Variants in ELAPOR2 observed in about 807,000 individuals in gnomAD.
ELAPOR2 encodes endosome/lysosome-associated apoptosis and autophagy regulator family member 2.
Under a neutral mutation model 120.7 loss-of-function variants are expected in ELAPOR2, and 89 were observed. The ratio of observed to expected loss-of-function variants is 0.74; its 90% CI spans 0.62 to 0.88. ELAPOR2 has a LOEUF of 0.88. Ranked by LOEUF, ELAPOR2 falls within the 40% of genes least tolerant of loss-of-function variation. The probability of loss-of-function intolerance (pLI) is 0.00; values close to 1 mark genes in which losing one functional copy is unlikely to be tolerated. For synonymous variants in ELAPOR2, 444 were observed against 444.9 expected, an observed-to-expected ratio of 1.00 and a Z score of 0.03; for missense variants, 1,134 against 1,251.6, an observed-to-expected ratio of 0.91 and a Z score of 1.42.
At chr7:86,981,488 C>T (rs1792480610) in intron 1 of ELAPOR2, among the ~76,000 whole-genome samples, 1 of 152,218 alleles carries the variant, frequency 6.6e-6, no homozygotes. Flanking sequence ...TACCTCCCAG[C>T]TATTCCTCCC....
chr7:86,892,978 A>C lies in ELAPOR2; in HGVS notation c.2808T>G (p.Ala936=). The C allele has an allele frequency of 6.4e-7, 1 of 1,572,720 alleles. No homozygotes were observed. The highest frequency in any genetic ancestry group is 8.6e-7 in the Non-Finnish European group (1 of 1,166,974). Residue 936 remains alanine, a synonymous_variant, in exon 20 of 22, where the codon GCT becomes GCG. Transcript: ENST00000450689. ...GAGCCACCAGCAAAACGGCAGTAAA[A>C]GCTCCCACACCGGCTCCCACCTTCA... is the stretch of plus-strand genomic sequence containing the variant. ...FWLKVGAGVG[A]FTAVLLVALT... is the part of the protein sequence containing the mutation.
intron 8 of ELAPOR2, among the ~76,000 whole-genome samples, chr7:86,933,352 T>A (rs1028042069): frequency 2.0e-5 from 3 of 151,934 alleles, no homozygotes; most frequent in Non-Finnish European, 4.4e-5. Context: ...GTTACCTACA[T>A]AATATAGCTG....
At chr7:86,888,594 A>C (rs1003348437) in intron 21 of ELAPOR2, among the ~76,000 whole-genome samples, 14 of 152,086 alleles carry the variant, frequency 9.2e-5, no homozygotes, top group Non-Finnish European at 1.8e-4. Flanking sequence ...ATTTATCCAA[A>C]AGAGCAGGAA....
At chr7:86,910,980 A>C (rs139783775) in intron 15 of ELAPOR2, among the ~76,000 whole-genome samples, 3 of 152,214 alleles carry the variant, frequency 2.0e-5, no homozygotes, top group African/African-American at 7.2e-5. Context: ...AATGGAAAAG[A>C]TCAGAGAAAA....
chr7:87,013,609 G>A (rs577701073), intron 1 of ELAPOR2, among the ~76,000 whole-genome samples: 1 of 152,110 alleles, frequency 6.6e-6, no homozygotes, highest in South Asian at 2.1e-4. Context: ...GAATTATAAG[G>A]GACACTGATG....
chr7:86,989,247 G>A (rs1367599485), intron 1 of ELAPOR2, among the ~76,000 whole-genome samples: 2 of 152,082 alleles, frequency 1.3e-5, no homozygotes, highest in Admixed American at 6.6e-5. Flanking sequence ...GTATGTGCTA[G>A]GCTCCAAATC....
At chr7:86,883,023 GGTGT>G (rs55859925) in intron 21 of ELAPOR2, among the ~76,000 whole-genome samples, 7,081 of 141,502 alleles carry the variant, frequency 0.05, 197 homozygotes, top group African/African-American at 0.082. Context: ...GTTTGAAAGG[GGTGT>G]GTGTGTGTGT....
chr7:86,975,369 A>C (rs1054613836), intron 1 of ELAPOR2, among the ~76,000 whole-genome samples: 5 of 152,220 alleles, frequency 3.3e-5, no homozygotes, highest in African/African-American at 9.6e-5. Flanking sequence ...AATAAAAATA[A>C]GTGAGTTATT....
At chr7:87,035,813 GA>G (rs1435600532) in intron 1 of ELAPOR2, among the ~76,000 whole-genome samples, 1 of 152,162 alleles carries the variant, frequency 6.6e-6, no homozygotes, top group Non-Finnish European at 1.5e-5. Context: ...TTCAGAACCA[GA>G]AAAGAACAGT....
chr7:87,052,963 A>G (rs1339435975), intron 1 of ELAPOR2, among the ~76,000 whole-genome samples: 5 of 151,724 alleles, frequency 3.3e-5, no homozygotes, highest in Non-Finnish European at 7.4e-5. Context: ...TGCCCAGCTG[A>G]TTTTTTTATT....
intron 1 of ELAPOR2, among the ~76,000 whole-genome samples, chr7:87,046,994 G>C (rs1794976310): frequency 6.6e-6 from 1 of 152,148 alleles, no homozygotes; most frequent in African/African-American, 2.4e-5. Flanking sequence ...CAGACACATA[G>C]ACCAATGGGA....
At chr7:87,046,627 A>T (rs1339296822) in intron 1 of ELAPOR2, among the ~76,000 whole-genome samples, 1 of 152,022 alleles carries the variant, frequency 6.6e-6, no homozygotes, top group Non-Finnish European at 1.5e-5. Context: ...AGTTTCCCCC[A>T]CCCCATTCTC....
At chr7:86,999,863 T>C (rs1470650517) in intron 1 of ELAPOR2, among the ~76,000 whole-genome samples, 1 of 152,176 alleles carries the variant, frequency 6.6e-6, no homozygotes, top group Non-Finnish European at 1.5e-5. Flanking sequence ...CAAAGACCCA[T>C]ACACATGAGA....
chr7:86,936,684 A>G (rs1375181999), intron 8 of ELAPOR2, among the ~76,000 whole-genome samples: 1 of 152,110 alleles, frequency 6.6e-6, no homozygotes, highest in Non-Finnish European at 1.5e-5. Flanking sequence ...GCCTGTGCAT[A>G]CACCCATATA....
intron 1 of ELAPOR2, among the ~76,000 whole-genome samples, chr7:87,044,716 A>T (rs1794893105): frequency 6.6e-6 from 1 of 151,938 alleles, no homozygotes; most frequent in Non-Finnish European, 1.5e-5. Context: ...TCATGTCTAA[A>T]ACACCAAAAG....
chr7:87,027,364 T>C (rs1174628788), intron 1 of ELAPOR2, among the ~76,000 whole-genome samples: 2 of 152,108 alleles, frequency 1.3e-5, no homozygotes, highest in Non-Finnish European at 2.9e-5. Flanking sequence ...TACGACTGGA[T>C]TGAGTAACTG....
At chr7:86,907,533 C>CAA (rs10547506) in intron 18 of ELAPOR2, 137 bp downstream of exon 18, 1,312 of 511,302 alleles carry the variant, frequency 2.6e-3, no homozygotes, top group South Asian at 4.3e-3. Context: ...ACATTCCCTA[C>CAA]AAAAAAAAAA....
At position 86,982,377 on chromosome 7, in the gene ELAPOR2, C is replaced by T. The variant is rs376004595; in HGVS notation, c.190-17353G>A. ...CCTCCTCAAGTGGGTCCCTGACCTC[C>T]GTGTAGCCTTACTGGGAGATACCTC... On this transcript the variant is annotated intron_variant, in intron 1 of 21. Transcript: ENST00000450689. Among the ~76,000 whole-genome samples the T allele has an allele frequency of 1.4e-4, 21 of 152,322 alleles. No homozygotes were observed. The East Asian group carries it at 2.3e-3, about 17-fold the overall frequency.
chr7:87,039,605 C>A (rs111566992), intron 1 of ELAPOR2, among the ~76,000 whole-genome samples: 1 of 152,002 alleles, frequency 6.6e-6, no homozygotes, highest in African/African-American at 2.4e-5. Flanking sequence ...ATTCAACATA[C>A]GCAAATAAAT....
Sources: allele counts gnomAD v4.1 joint callset (sites outside exome capture counted in the v4.1 genomes callset), GRCh38; gene constraint gnomAD v4.1.1; transcripts MANE v1.5; gene names NCBI Gene and HGNC (gene_info 2026-07-23, HGNC 2026-07-21).